The following NXPH1 variants were observed in gnomAD, a reference collection of about 807,000 sequenced individuals.
The protein encoded by NXPH1 is neurexophilin 1.
Under a neutral mutation model 23.7 loss-of-function variants are expected in NXPH1, and 5 were observed. That is an observed-to-expected ratio of 0.21 (90% CI 0.11 to 0.44). The LOEUF (loss-of-function observed/expected upper bound fraction) is 0.44. Ranked by LOEUF, NXPH1 falls within the 20% of genes least tolerant of loss-of-function variation. NXPH1 has a pLI of 0.99. For missense variants in NXPH1, 324 were observed against 321.6 expected, an observed-to-expected ratio of 1.01 and a Z score of -0.06; for synonymous variants, 144 against 122.2, an observed-to-expected ratio of 1.18 and a Z score of -1.18.
chr7:8,642,095 A>T (rs1226182511), intron 2 of NXPH1, among the ~76,000 whole-genome samples: 1 of 152,074 alleles, frequency 6.6e-6, no homozygotes, highest in East Asian at 1.9e-4. Flanking sequence ...GTTCACTGGA[A>T]TTTATTTTCC....
intron 2 of NXPH1, among the ~76,000 whole-genome samples, chr7:8,740,609 C>G (rs1224307548): frequency 6.6e-6 from 1 of 152,180 alleles, no homozygotes; most frequent in Non-Finnish European, 1.5e-5. Flanking sequence ...AGCCATGAAG[C>G]TCCTTTTCTG....
intron 2 of NXPH1, among the ~76,000 whole-genome samples, chr7:8,743,746 T>C (rs1421764233): frequency 6.6e-6 from 1 of 151,144 alleles, no homozygotes; most frequent in Non-Finnish European, 1.5e-5. Context: ...TGCAGTGGCG[T>C]GATCTTGGTT....
At chr7:8,681,960 A>G (rs549278458) in intron 2 of NXPH1, among the ~76,000 whole-genome samples, 20 of 152,194 alleles carry the variant, frequency 1.3e-4, no homozygotes, top group Admixed American at 7.9e-4. Flanking sequence ...CAGAACCAGA[A>G]GTCCTCAGGG....
At chr7:8,608,222 T>G (rs1234112241) in intron 2 of NXPH1, among the ~76,000 whole-genome samples, 1 of 152,344 alleles carries the variant, frequency 6.6e-6, no homozygotes, top group East Asian at 1.9e-4. Context: ...CATAATAGAT[T>G]AACTACTTAG....
At chr7:8,483,570 A>T (rs1817109519) in intron 2 of NXPH1, among the ~76,000 whole-genome samples, 1 of 152,068 alleles carries the variant, frequency 6.6e-6, no homozygotes, top group Non-Finnish European at 1.5e-5. Flanking sequence ...CAGCCTCCCA[A>T]ACGGCTGGGA....
intron 2 of NXPH1, among the ~76,000 whole-genome samples, chr7:8,455,653 C>G (rs149296435): frequency 6.6e-6 from 1 of 152,250 alleles, no homozygotes; most frequent in Non-Finnish European, 1.5e-5. Context: ...AATGTTCCAG[C>G]CTGGAATTTC....
At chr7:8,454,258 G>A (rs113401615) in intron 2 of NXPH1, among the ~76,000 whole-genome samples, 5,590 of 152,176 alleles carry the variant, frequency 0.037, 139 homozygotes, top group Non-Finnish European at 0.052. Flanking sequence ...GGAATTTGTC[G>A]AATGGAATTT....
intron 2 of NXPH1, among the ~76,000 whole-genome samples, chr7:8,528,229 G>A (rs1817895856): frequency 6.6e-6 from 1 of 152,234 alleles, no homozygotes; most frequent in Non-Finnish European, 1.5e-5. Context: ...TTTGGGGCCT[G>A]TGGCAGTGCC....
intron 2 of NXPH1, among the ~76,000 whole-genome samples, chr7:8,538,628 A>G (rs1482289160): frequency 6.6e-6 from 1 of 151,946 alleles, no homozygotes; most frequent in East Asian, 1.9e-4. Context: ...TTAATTATCA[A>G]CTTTTCCCCC....
In NXPH1 at chr7:8,648,355, A is replaced by G. The variant is rs555712061; in HGVS notation, c.55-102653A>G. On this transcript the variant is annotated intron_variant, in intron 2 of 2. Coordinates refer to ENST00000405863, the MANE Select transcript of NXPH1 (RefSeq NM_152745.3). The stretch of plus-strand genomic sequence containing the variant: ...TCTGGAAACCATCCTTCTACTCTCT[A>G]CGTTCATTAGTTCAATTGTTTTGAT... Among the ~76,000 whole-genome samples, 4 of 152,010 alleles carry G rather than the reference A, an allele frequency of 2.6e-5. No homozygotes were observed. The East Asian group carries it at 7.7e-4, about 29-fold the overall frequency.
At chr7:8,445,471 T>C (rs1816388043) in intron 2 of NXPH1, among the ~76,000 whole-genome samples, 1 of 152,158 alleles carries the variant, frequency 6.6e-6, no homozygotes, top group Non-Finnish European at 1.5e-5. Context: ...CCCACCACAA[T>C]GCATAAATTT....
chr7:8,647,762 A>G (rs1488331751), intron 2 of NXPH1, among the ~76,000 whole-genome samples: 1 of 144,788 alleles, frequency 6.9e-6, no homozygotes, highest in Non-Finnish European at 1.5e-5. Context: ...CACTGATTCA[A>G]TTTTCTTAAC....
intron 2 of NXPH1, among the ~76,000 whole-genome samples, chr7:8,542,650 T>C (rs1818137477): frequency 6.6e-6 from 1 of 151,550 alleles, no homozygotes; most frequent in Non-Finnish European, 1.5e-5. Context: ...AAAAATAAAT[T>C]GGAAATCAGT....
At chr7:8,494,293 T>C (rs1236575229) in intron 2 of NXPH1, among the ~76,000 whole-genome samples, 2 of 152,100 alleles carry the variant, frequency 1.3e-5, no homozygotes, top group Non-Finnish European at 2.9e-5. Flanking sequence ...TCATTGACTA[T>C]ACAGAATGTG....
At chr7:8,568,350 G>T (rs1818584090) in intron 2 of NXPH1, among the ~76,000 whole-genome samples, 1 of 151,744 alleles carries the variant, frequency 6.6e-6, no homozygotes, top group African/African-American at 2.4e-5. Context: ...CCCTCCTGAT[G>T]CTATGATTTT....
At chr7:8,445,757 G>C (rs923432437) in intron 2 of NXPH1, among the ~76,000 whole-genome samples, 1 of 152,176 alleles carries the variant, frequency 6.6e-6, no homozygotes, top group Non-Finnish European at 1.5e-5. Context: ...AATAATTGTG[G>C]AGAATTCTTT....
Position 8,435,594 on chromosome 7 carries a change from T to G in NXPH1, c.-110-10T>G. On this transcript the variant is annotated splice_polypyrimidine_tract_variant and intron_variant, in intron 1 of 2. Transcript: ENST00000405863. This position sits in a 1 kb window ranked among gnomAD's most constrained non-coding sequence, Gnocchi z 5.9. ...GTAGTCATGGGATGTCTAATTTTAT[T>G]TGCATCTAGGCTGCTGAGAGCGCTC... 1 of 883,408 alleles carries G rather than the reference T, an allele frequency of 1.1e-6. No individual in the cohort carries two copies. The highest frequency in any genetic ancestry group is 1.9e-6 in the Non-Finnish European group (1 of 523,030). 54.7% of individuals were successfully genotyped at this position (883,408 alleles called of 1,614,324 possible).
At chr7:8,535,295 G>A (rs1464815145) in intron 2 of NXPH1, among the ~76,000 whole-genome samples, 1 of 152,030 alleles carries the variant, frequency 6.6e-6, no homozygotes, top group East Asian at 1.9e-4. Flanking sequence ...GGAAATAATG[G>A]GGACAAATTT....
intron 2 of NXPH1, among the ~76,000 whole-genome samples, chr7:8,562,287 T>C (rs1409006132): frequency 6.6e-6 from 1 of 151,726 alleles, no homozygotes; most frequent in African/African-American, 2.4e-5. Flanking sequence ...TGGAAAATAT[T>C]GATCCTCAAA....
Sources: gnomAD v4.1 joint callset for allele counts (sites outside exome capture counted in the v4.1 genomes callset) on GRCh38, gnomAD v4.1.1 for gene constraint, Gnocchi (gnomAD v3.1) non-coding constraint, MANE v1.5 for transcripts, NCBI Gene and HGNC (gene_info 2026-07-23, HGNC 2026-07-21) for gene names.